DNAJC15: variants seen among roughly 807,000 people sequenced by gnomAD.
DNAJC15 encodes dnaJ homolog subfamily C member 15.
In DNAJC15, 27 loss-of-function variants were observed where a neutral mutation model predicts 22.4. That is an observed-to-expected ratio of 1.20 (90% CI 0.89 to 1.66). The LOEUF (loss-of-function observed/expected upper bound fraction) is 1.66. Among genes scored for constraint, DNAJC15 ranks in the 40% most tolerant of loss-of-function variants. The probability of loss-of-function intolerance (pLI) is 0.00; values close to 1 mark genes in which losing one functional copy is unlikely to be tolerated. For synonymous variants in DNAJC15, 79 were observed against 63.2 expected, an observed-to-expected ratio of 1.25 and a Z score of -1.19; for missense variants, 208 against 187.1, an observed-to-expected ratio of 1.11 and a Z score of -0.65.
intron 1 of DNAJC15, among the ~76,000 whole-genome samples, chr13:43,056,390 A>C (rs1011718959): frequency 6.6e-6 from 1 of 152,174 alleles, no homozygotes; most frequent in South Asian, 2.1e-4. Context: ...CACCTGCCTC[A>C]GCTTCCCAAA....
At chr13:43,048,502 CA>C (rs771141623) in intron 1 of DNAJC15, among the ~76,000 whole-genome samples, 1 of 152,102 alleles carries the variant, frequency 6.6e-6, no homozygotes, top group Admixed American at 6.5e-5. Flanking sequence ...CAAAAATAAA[CA>C]AAAAACAAAA....
chr13:43,061,657 T>G (rs1251646845), intron 1 of DNAJC15, among the ~76,000 whole-genome samples: 3 of 151,748 alleles, frequency 2.0e-5, no homozygotes, highest in Admixed American at 6.6e-5. Flanking sequence ...AGAGGGAGAG[T>G]GTGGTGGGAG....
chr13:43,099,677 A>G (rs2040757746), intron 5 of DNAJC15, among the ~76,000 whole-genome samples: 2 of 152,002 alleles, frequency 1.3e-5, no homozygotes, highest in South Asian at 2.1e-4. Context: ...GAGACTCGAT[A>G]TATTTATTTT....
chr13:43,040,326 A>C (rs1466087571), intron 1 of DNAJC15, among the ~76,000 whole-genome samples: 1 of 152,204 alleles, frequency 6.6e-6, no homozygotes, highest in African/African-American at 2.4e-5. Flanking sequence ...TTTCTGGCTT[A>C]ATTTTCTAAC....
chr13:43,079,034 A>G (rs1566212093), intron 4 of DNAJC15, among the ~76,000 whole-genome samples: 1 of 152,176 alleles, frequency 6.6e-6, no homozygotes, highest in Non-Finnish European at 1.5e-5. Context: ...GTTAATTATA[A>G]TCCAGGATAT....
At chr13:43,039,421 C>T (rs2153439752) in intron 1 of DNAJC15, among the ~76,000 whole-genome samples, 1 of 152,210 alleles carries the variant, frequency 6.6e-6, no homozygotes, top group African/African-American at 2.4e-5. Flanking sequence ...TGTACCTTTC[C>T]ATGCAATCAA....
chr13:43,051,661 G>A (rs9525727), intron 1 of DNAJC15, among the ~76,000 whole-genome samples: 6,689 of 78,068 alleles, frequency 0.086, 172 homozygotes, highest in Middle Eastern at 0.16. Flanking sequence ...GTGTGTGTGT[G>A]TATATATATC....
chr13:43,039,357 A>G (rs1189892834), intron 1 of DNAJC15, among the ~76,000 whole-genome samples: 1 of 152,234 alleles, frequency 6.6e-6, no homozygotes, highest in Non-Finnish European at 1.5e-5. Context: ...GAACAGAAAC[A>G]TCTTTTTGTA....
chr13:43,062,149 A>T (rs1450223633), intron 1 of DNAJC15, among the ~76,000 whole-genome samples: 1 of 152,164 alleles, frequency 6.6e-6, no homozygotes, highest in African/African-American at 2.4e-5. Context: ...ATGATGAATC[A>T]CTTAGGGACT....
rs1477034479 is a variant in DNAJC15, at chr13:43,053,714, T to A, written c.109-11972T>A. On this transcript the variant is annotated intron_variant, in intron 1 of 5. Transcript: ENST00000379221. ...TTGAGTTCTTGATTTGATTCTCAGG[T>A]TGGTCACTGTTAGTGTATAGCAGAG... Among the ~76,000 whole-genome samples the A allele has an allele frequency of 3.3e-5, 5 of 152,226 alleles. No individual in the cohort carries two copies. In the East Asian group the frequency reaches 9.6e-4, roughly 29 times the overall value.
chr13:43,039,962 T>C (rs944706572), intron 1 of DNAJC15, among the ~76,000 whole-genome samples: 2 of 152,136 alleles, frequency 1.3e-5, no homozygotes, highest in Non-Finnish European at 2.9e-5. Flanking sequence ...GAGGTTGCAA[T>C]GAGCTGAGGT....
intron 4 of DNAJC15, among the ~76,000 whole-genome samples, chr13:43,083,912 A>T (rs2040675375): frequency 6.6e-6 from 1 of 152,202 alleles, no homozygotes; most frequent in Admixed American, 6.5e-5. Context: ...AAAATATTTA[A>T]TTCATTTTAC....
intron 1 of DNAJC15, among the ~76,000 whole-genome samples, chr13:43,031,187 C>A (rs961060419): frequency 1.3e-5 from 2 of 151,998 alleles, no homozygotes; most frequent in African/African-American, 4.8e-5. Flanking sequence ...TTGGAATAAA[C>A]CATTATTACC....
At position 43,107,524 on chromosome 13, in the gene DNAJC15, TAC is replaced by T. The variant is rs57085120; in HGVS notation, c.*307_*308del. On this transcript the variant is annotated 3_prime_UTR_variant, in exon 6 of 6. Coordinates refer to ENST00000379221, the MANE Select transcript of DNAJC15 (RefSeq NM_013238.3). ...TTTTGTTATGTTCTGAATTCCCCCC[TAC>T]ACACACACACACACACACACACACA... The T allele has an allele frequency of 0.18, 29,193 of 161,434 alleles. 2,853 individuals are homozygous for T. Among genetic ancestry groups the T allele is most frequent in the South Asian group, 0.3 (1,528 of 5,044 alleles). 10.0% of individuals were successfully genotyped at this position (161,434 alleles called of 1,614,324 possible).
At chr13:43,059,492 G>A (rs2040547568) in intron 1 of DNAJC15, among the ~76,000 whole-genome samples, 1 of 152,108 alleles carries the variant, frequency 6.6e-6, no homozygotes, top group South Asian at 2.1e-4. Flanking sequence ...AACCTCCCGA[G>A]TAGCTGGGAT....
intron 1 of DNAJC15, among the ~76,000 whole-genome samples, chr13:43,043,565 A>G (rs956261217): frequency 6.6e-6 from 1 of 152,240 alleles, no homozygotes; most frequent in East Asian, 1.9e-4. Flanking sequence ...TTAAAAAATC[A>G]TTATCTATAG....
intron 1 of DNAJC15, among the ~76,000 whole-genome samples, chr13:43,024,337 GTTT>G (rs376910976): frequency 1.1e-5 from 1 of 93,398 alleles, no homozygotes; most frequent in East Asian, 3.4e-4. Context: ...GTATTTTTAC[GTTT>G]TTTTTTTTTT....
intron 3 of DNAJC15, among the ~76,000 whole-genome samples, chr13:43,076,251 T>C (rs2040633632): frequency 6.6e-6 from 1 of 152,210 alleles, no homozygotes; most frequent in African/African-American, 2.4e-5. Context: ...CAGTCCTTGA[T>C]CTCTCATTTG....
chr13:43,084,932 T>C (rs920101131), intron 4 of DNAJC15, among the ~76,000 whole-genome samples: 1 of 152,206 alleles, frequency 6.6e-6, no homozygotes. Context: ...CCAGGTACTG[T>C]TCTAACATTT....
Sources: allele counts gnomAD v4.1 joint callset (sites outside exome capture counted in the v4.1 genomes callset), GRCh38; gene constraint gnomAD v4.1.1; transcripts MANE v1.5; gene names NCBI Gene and HGNC (gene_info 2026-07-23, HGNC 2026-07-21).